The following LIFR variants were observed in gnomAD, a reference collection of about 807,000 sequenced individuals.
LIFR encodes LIF receptor subunit alpha, also known as leukemia inhibitory factor receptor.
A neutral mutation model predicts 122.2 loss-of-function variants in LIFR; 84 were observed. That is an observed-to-expected ratio of 0.69 (90% CI 0.58 to 0.82). The LOEUF (loss-of-function observed/expected upper bound fraction) is 0.82, where lower values mean the gene tolerates loss of function less well. Among genes scored for constraint, LIFR ranks in the 40% least tolerant of loss-of-function variants. LIFR has a pLI of 0.00. For missense variants in LIFR, 1,294 were observed against 1,311.6 expected, an observed-to-expected ratio of 0.99 and a Z score of 0.21; for synonymous variants, 422 against 434.7, an observed-to-expected ratio of 0.97 and a Z score of 0.36.
At chr5:38,518,679 T>C (rs1032058546) in intron 5 of LIFR, among the ~76,000 whole-genome samples, 3 of 152,248 alleles carry the variant, frequency 2.0e-5, no homozygotes, top group Admixed American at 2.0e-4. Context: ...TACTGGTGTA[T>C]GTATTTAGTG....
At position 38,499,512 on chromosome 5, in the gene LIFR, C is replaced by A. The variant is rs1010745565; in HGVS notation, c.1671+1G>T. The A allele has an allele frequency of 6.4e-6, 10 of 1,573,576 alleles. No individual in the cohort carries two copies. Among genetic ancestry groups the A allele is most frequent in the Non-Finnish European group, 8.7e-6 (10 of 1,143,102 alleles). ...TGTTCACAGAAAAATTAGATATTTA[C>A]CTTCCAATAGATTATTAAATTTTTT... On this transcript the variant is annotated splice_donor_variant, in intron 12 of 19. Coordinates refer to ENST00000453190, the MANE Select transcript of LIFR (RefSeq NM_001127671.2). LOFTEE classifies it high-confidence loss of function.
chr5:38,508,690 C>T (rs1250420333), intron 7 of LIFR, among the ~76,000 whole-genome samples: 1 of 152,050 alleles, frequency 6.6e-6, no homozygotes, highest in Non-Finnish European at 1.5e-5. Flanking sequence ...CACTCTCCTG[C>T]CTCAGCTTCC....
chr5:38,581,443 A>G (rs1386669014), intron 1 of LIFR, among the ~76,000 whole-genome samples: 2 of 152,158 alleles, frequency 1.3e-5, no homozygotes, highest in Non-Finnish European at 2.9e-5. Flanking sequence ...GCCCTTTCAT[A>G]GTCCTGTGCC....
Position 38,510,496 on chromosome 5 carries a change from T to A in LIFR, c.959A>T (p.Asp320Val). The A allele has an allele frequency of 1.9e-6, 3 of 1,613,744 alleles. No individual in the cohort carries two copies. The highest frequency in any genetic ancestry group is 2.5e-6 in the Non-Finnish European group (3 of 1,179,808). The change falls in exon 7 of 20, where the codon GAT (aspartate) becomes GTT (valine). Residue 320 changes from aspartate to valine, a missense_variant. Coordinates refer to ENST00000453190, the MANE Select transcript of LIFR (RefSeq NM_001127671.2). ...AAAAATAACGGTTCCAAATATGTTATCTTCGGTTGTAAAAACTACATTTGT... is the reference window on the plus strand; with the variant it reads ...AAAAATAACGGTTCCAAATATGTTAACTTCGGTTGTAAAAACTACATTTGT... ...SGTNVVFTTE[D>V]NIFGTVIFAG...
chr5:38,499,666 G>C, intron 11 of LIFR, 83 bp from the exon 12 acceptor site: 1 of 937,662 alleles, frequency 1.1e-6, no homozygotes, highest in Non-Finnish European at 1.8e-6. Context: ...TAGGATGTTT[G>C]GAATTCTCAA....
intron 1 of LIFR, 53 bp from the exon 2 acceptor site, chr5:38,530,719 C>T (rs1746960472): frequency 1.4e-6 from 2 of 1,434,570 alleles, no homozygotes; most frequent in Non-Finnish European, 2.0e-6. Context: ...GAAGGCTCAC[C>T]TTATACTGTG....
chr5:38,573,339 C>T (rs1749276051), intron 1 of LIFR, among the ~76,000 whole-genome samples: 1 of 152,194 alleles, frequency 6.6e-6, no homozygotes, highest in Non-Finnish European at 1.5e-5. Context: ...TCGATGTCTA[C>T]TTCACCATCA....
chr5:38,520,790 A>G (rs377597413), intron 5 of LIFR, among the ~76,000 whole-genome samples: 34 of 152,330 alleles, frequency 2.2e-4, no homozygotes, highest in South Asian at 1.7e-3. Context: ...CCACTGGTCT[A>G]TGTATCTGTT....
At chr5:38,493,027 C>G (rs541656933) in intron 14 of LIFR, among the ~76,000 whole-genome samples, 2 of 152,302 alleles carry the variant, frequency 1.3e-5, no homozygotes. Flanking sequence ...GAGCATCAGG[C>G]TCATGGAACG....
intron 1 of LIFR, among the ~76,000 whole-genome samples, chr5:38,583,911 C>T (rs1314775949): frequency 6.6e-6 from 1 of 152,130 alleles, no homozygotes; most frequent in Non-Finnish European, 1.5e-5. Flanking sequence ...TTTCCCTTTT[C>T]CATTGGCTCT....
chr5:38,485,512 G>A (rs138164168), intron 17 of LIFR: 9 of 399,388 alleles, frequency 2.3e-5, no homozygotes, highest in Middle Eastern at 7.4e-4. Flanking sequence ...CATAACAGCT[G>A]GAGCAAAATA....
chr5:38,577,794 A>G (rs1749436078), intron 1 of LIFR, among the ~76,000 whole-genome samples: 1 of 152,218 alleles, frequency 6.6e-6, no homozygotes, highest in African/African-American at 2.4e-5. Flanking sequence ...TTTTTTTGAA[A>G]GAGCTAAGGG....
intron 1 of LIFR, among the ~76,000 whole-genome samples, chr5:38,544,372 G>A (rs1377300166): frequency 6.6e-6 from 1 of 152,006 alleles, no homozygotes; most frequent in African/African-American, 2.4e-5. Context: ...CTCTCCTTTG[G>A]TCACCGGCTT....
intron 1 of LIFR, among the ~76,000 whole-genome samples, chr5:38,535,393 A>G (rs1337804103): frequency 6.6e-6 from 1 of 152,128 alleles, no homozygotes; most frequent in Non-Finnish European, 1.5e-5. Flanking sequence ...TATTTATGTC[A>G]TGGGGTTGCA....
chr5:38,561,631 C>G (rs192301633), upstream of LIFR, among the ~76,000 whole-genome samples: 179 of 152,290 alleles, frequency 1.2e-3, no homozygotes, highest in African/African-American at 4.0e-3. Context: ...GTGCCTGACA[C>G]AAAGTAAGCA....
chr5:38,503,443 A>C (rs1252568661), intron 10 of LIFR, among the ~76,000 whole-genome samples: 3 of 152,192 alleles, frequency 2.0e-5, no homozygotes, highest in Non-Finnish European at 4.4e-5. Context: ...TATATTTTAC[A>C]GTTGTGACTG....
chr5:38,484,758 A>T lies in LIFR; in HGVS notation c.2591+17T>A, dbSNP rs73077453. 2 of 1,535,674 alleles carry T rather than the reference A, an allele frequency of 1.3e-6. No individual in the cohort carries two copies. Among genetic ancestry groups the T allele is most frequent in the Non-Finnish European group, 1.8e-6 (2 of 1,108,742 alleles). On this transcript the variant is annotated intron_variant, in intron 18 of 19. Transcript: ENST00000453190. ...CCTTTAAGAAGAAAACAGCAAGAGT[A>T]AATGCAGAACTATTACCATTCTCGT...
chr5:38,499,464 G>A (rs1745061180), intron 12 of LIFR, 49 bp downstream of exon 12: 4 of 1,247,180 alleles, frequency 3.2e-6, no homozygotes, highest in Non-Finnish European at 3.5e-6. Context: ...CGTAAGTTAA[G>A]CAGTTTAGCA....
chr5:38,485,902 G>C lies in LIFR; in HGVS notation c.2414C>G (p.Thr805Arg). 1 of 1,614,046 alleles carries C rather than the reference G, an allele frequency of 6.2e-7. No individual in the cohort carries two copies. Among genetic ancestry groups the C allele is most frequent in the Non-Finnish European group, 8.5e-7 (1 of 1,179,926 alleles). ...GGCTCGCAAGACCAGGTGGTAACTT[G>C]TTTTACCTTGAAGATCAGCAATTCT... ...TLRIADLQGK[T>R]SYHLVLRAYT... Residue 805 changes from threonine (T) to arginine (R), a missense_variant, in exon 17 of 20, where the codon ACA becomes AGA. Coordinates refer to ENST00000453190, the MANE Select transcript of LIFR (RefSeq NM_001127671.2).
Sources: gnomAD v4.1 joint callset for allele counts (sites outside exome capture counted in the v4.1 genomes callset) on GRCh38, gnomAD v4.1.1 for gene constraint, MANE v1.5 for transcripts, NCBI Gene and HGNC (gene_info 2026-07-23, HGNC 2026-07-21) for gene names.